Variants in CSNK1G1 observed in about 807,000 individuals in gnomAD.
The protein encoded by CSNK1G1 is casein kinase I isoform gamma-1.
A neutral mutation model predicts 59.6 loss-of-function variants in CSNK1G1; 22 were observed. That is an observed-to-expected ratio of 0.37 (90% confidence interval 0.26 to 0.53). CSNK1G1 has a LOEUF of 0.53. Among genes scored for constraint, CSNK1G1 ranks in the 20% least tolerant of loss-of-function variants. The pLI is 0.89. For missense variants in CSNK1G1, 384 were observed against 519.5 expected (o/e 0.74, Z 2.54); for synonymous variants, 179 against 177.1 (o/e 1.01, Z -0.08).
chr15:64,281,709 G>A (rs764020295), intron 2 of CSNK1G1, among the ~76,000 whole-genome samples: 1 of 151,594 alleles, frequency 6.6e-6, no homozygotes, highest in Admixed American at 6.6e-5. Flanking sequence ...GCGTGGTGGC[G>A]AGCGCCTGTA....
At chr15:64,209,801 A>G (rs1172022445) in intron 6 of CSNK1G1, among the ~76,000 whole-genome samples, 1 of 152,196 alleles carries the variant, frequency 6.6e-6, no homozygotes, top group African/African-American at 2.4e-5. Context: ...CTCATACTGT[A>G]TCACACCTAC....
At chr15:64,240,826 C>A (rs964705177) in intron 4 of CSNK1G1, among the ~76,000 whole-genome samples, 3 of 151,872 alleles carry the variant, frequency 2.0e-5, no homozygotes, top group Admixed American at 2.0e-4. Context: ...TAATTACCAT[C>A]ATAAAAATAC....
intron 4 of CSNK1G1, among the ~76,000 whole-genome samples, chr15:64,247,813 T>G (rs1566918472): frequency 1.3e-5 from 2 of 152,234 alleles, no homozygotes; most frequent in South Asian, 4.1e-4. Flanking sequence ...GTTCCTATTT[T>G]AGGAATTTAA....
chr15:64,353,782 A>G (rs917008708), intron 1 of CSNK1G1, among the ~76,000 whole-genome samples: 6 of 151,926 alleles, frequency 3.9e-5, no homozygotes, highest in Non-Finnish European at 8.8e-5. Flanking sequence ...AGTGAGTATA[A>G]TTGCCCCAGT....
Position 64,300,691 on chromosome 15 carries a change from C to T in CSNK1G1, c.-192G>A. On this transcript the variant is annotated 5_prime_UTR_variant, in exon 2 of 12. It adds an upstream start codon to the 5' untranslated region. Coordinates refer to ENST00000303052, the MANE Select transcript of CSNK1G1 (RefSeq NM_022048.5). ...TTTGTTCCCGTAGGAAATGTAGTCACTAGGTCTCAATCTTAGGTGAACATC... is the reference window on the plus strand; with the variant it reads ...TTTGTTCCCGTAGGAAATGTAGTCATTAGGTCTCAATCTTAGGTGAACATC... 4 of 1,269,170 alleles carry T rather than the reference C, an allele frequency of 3.2e-6. No homozygotes were observed. Among genetic ancestry groups the T allele is most frequent in the East Asian group, 3.0e-5 (1 of 33,494 alleles). 78.6% of individuals were successfully genotyped at this position (1,269,170 alleles called of 1,614,324 possible).
chr15:64,331,564 CA>C (rs1175403423), intron 1 of CSNK1G1, among the ~76,000 whole-genome samples: 6 of 118,818 alleles, frequency 5.0e-5, no homozygotes, highest in Admixed American at 2.8e-4. Context: ...GACCTAAAAC[CA>C]TAAAAACCCT....
chr15:64,216,170 A>C lies in CSNK1G1; in HGVS notation c.444+392T>G, dbSNP rs2082309494. Reference sequence around the variant, plus strand: ...AGCCTAGGAGTTTGAGGTTGCACTGAGCTATGATCATGCTACTGTACTCTA... The same window carrying C: ...AGCCTAGGAGTTTGAGGTTGCACTGCGCTATGATCATGCTACTGTACTCTA... On this transcript the variant is annotated intron_variant, in intron 5 of 11. Transcript: ENST00000303052. This position sits in a 1 kb window ranked among gnomAD's most constrained non-coding sequence, Gnocchi z 4.6. Among the ~76,000 whole-genome samples, 1 of 152,056 alleles carries C rather than the reference A, an allele frequency of 6.6e-6. No individual in the cohort carries two copies. The highest frequency in any genetic ancestry group is 2.4e-5 in the African/African-American group (1 of 41,400).
At position 64,188,237 on chromosome 15, in the gene CSNK1G1, G is replaced by A; in HGVS notation, c.1108-7783C>T. On this transcript the variant is annotated intron_variant, in intron 10 of 11. Transcript: ENST00000303052. This position sits in a 1 kb window ranked among gnomAD's most constrained non-coding sequence, Gnocchi z 4.2. ...AGCGACTCTTACCCAAGTCCACCTA[G>A]ACAGAAAATCTACAGAGATATTCAA... The A allele has an allele frequency of 1.6e-6, 1 of 606,436 alleles. No homozygotes were observed. Among genetic ancestry groups the A allele is most frequent in the Non-Finnish European group, 2.8e-6 (1 of 353,454 alleles). The allele number at this position is 606,436 out of a possible 1,614,324, so 37.6% of individuals were successfully genotyped here. A position where few individuals can be genotyped will look rare whatever the true frequency, so the allele number is the denominator to read the frequency against.
chr15:64,171,638 C>T lies in CSNK1G1; in HGVS notation c.*293G>A. On this transcript the variant is annotated 3_prime_UTR_variant, in exon 12 of 12. Transcript: ENST00000303052. This position sits in a 1 kb window ranked among gnomAD's most constrained non-coding sequence, Gnocchi z 4.8. ...GCAGTCCTTGAGTTTTTGTGAATGA[C>T]ACCTTCACTGTAAACAATGGGAAGG... 1 of 470,804 alleles carries T rather than the reference C, an allele frequency of 2.1e-6. No homozygotes were observed. The highest frequency in any genetic ancestry group is 3.8e-6 in the Non-Finnish European group (1 of 260,858). The allele number at this position is 470,804 out of a possible 1,614,324, so 29.2% of individuals were successfully genotyped here.
At position 64,204,953 on chromosome 15, in the gene CSNK1G1, T is replaced by G; in HGVS notation, c.766-4A>C. The G allele has an allele frequency of 6.4e-7, 1 of 1,559,658 alleles. No homozygotes were observed. The highest frequency in any genetic ancestry group is 1.4e-5 in the African/African-American group (1 of 73,736). ...ATCTCTCTTTTAATGTGTCAGCCTG[T>G]AGAGAGTAAAGAGAGAAAGTTACTT... On this transcript the variant is annotated splice_region_variant and splice_polypyrimidine_tract_variant and intron_variant, in intron 7 of 11. Coordinates refer to ENST00000303052, the MANE Select transcript of CSNK1G1 (RefSeq NM_022048.5).
chr15:64,355,774 C>T (rs1300226272), intron 1 of CSNK1G1, among the ~76,000 whole-genome samples: 3 of 152,166 alleles, frequency 2.0e-5, no homozygotes, highest in East Asian at 1.9e-4. Context: ...CCTACCTCTA[C>T]CCCGCTAACC....
At chr15:64,329,275 T>C (rs976992738) in intron 1 of CSNK1G1, among the ~76,000 whole-genome samples, 3 of 151,700 alleles carry the variant, frequency 2.0e-5, no homozygotes, top group African/African-American at 7.3e-5. Context: ...TAGTTGGAAG[T>C]AAAACTCTCC....
intron 1 of CSNK1G1, among the ~76,000 whole-genome samples, chr15:64,311,076 G>C (rs1405291363): frequency 1.3e-5 from 2 of 150,060 alleles, no homozygotes; most frequent in Admixed American, 6.6e-5. Context: ...TTTTTTTTAA[G>C]ACAGTCTCGC....
At chr15:64,347,513 G>A (rs1192183681) in intron 1 of CSNK1G1, among the ~76,000 whole-genome samples, 1 of 151,362 alleles carries the variant, frequency 6.6e-6, no homozygotes, top group African/African-American at 2.4e-5. Flanking sequence ...CTACTCGGGA[G>A]GCTGAAGCAG....
At chr15:64,355,831 G>A (rs1898636229) in intron 1 of CSNK1G1, among the ~76,000 whole-genome samples, 157 bp downstream of exon 1, 1 of 150,456 alleles carries the variant, frequency 6.6e-6, no homozygotes, top group Non-Finnish European at 1.5e-5. Context: ...TTCCGCCCCC[G>A]CAACCCTCCA....
At chr15:64,269,827 G>A (rs115933060) in intron 2 of CSNK1G1, among the ~76,000 whole-genome samples, 1,864 of 150,914 alleles carry the variant, frequency 0.012, 29 homozygotes, top group African/African-American at 0.044. Context: ...TTTTTGACAT[G>A]GAGTCTCACT....
intron 11 of CSNK1G1, among the ~76,000 whole-genome samples, chr15:64,173,775 G>A (rs547280528): frequency 1.8e-3 from 270 of 151,664 alleles, no homozygotes; most frequent in Non-Finnish European, 3.5e-3. Flanking sequence ...CAGCACACCC[G>A]GCTAATTTTT....
intron 2 of CSNK1G1, among the ~76,000 whole-genome samples, chr15:64,293,278 C>T (rs1316744907): frequency 1.3e-5 from 2 of 152,094 alleles, no homozygotes; most frequent in African/African-American, 2.4e-5. Context: ...AAAGACTCCA[C>T]AGAAATAATC....
At chr15:64,259,805 T>C (rs1468159576) in intron 2 of CSNK1G1, among the ~76,000 whole-genome samples, 1 of 152,208 alleles carries the variant, frequency 6.6e-6, no homozygotes, top group African/African-American at 2.4e-5. Flanking sequence ...TTTGACTGTT[T>C]ACCAGAACAA....
Sources: allele counts gnomAD v4.1 joint callset (sites outside exome capture counted in the v4.1 genomes callset), GRCh38; gene constraint gnomAD v4.1.1; non-coding constraint Gnocchi (gnomAD v3.1); transcripts MANE v1.5; gene names NCBI Gene and HGNC (gene_info 2026-07-23, HGNC 2026-07-21).